The following FAM117B variants were observed in gnomAD, a reference collection of about 807,000 sequenced individuals.
FAM117B encodes the protein protein FAM117B.
In FAM117B, 22 loss-of-function variants were observed where a neutral mutation model predicts 52.8. The observed-to-expected ratio is 0.42, with a 90% CI of 0.30 to 0.59. The LOEUF is 0.59. Among genes scored for constraint, FAM117B ranks in the 20% least tolerant of loss-of-function variants. FAM117B has a pLI of 0.22. For missense variants in FAM117B, 678 were observed against 802.6 expected (o/e 0.84, Z 1.88); for synonymous variants, 309 against 324.1 (o/e 0.95, Z 0.50).
At chr2:202,674,387 C>T (rs1232451519) in intron 1 of FAM117B, among the ~76,000 whole-genome samples, 1 of 152,154 alleles carries the variant, frequency 6.6e-6, no homozygotes. Context: ...ACCCTGTTAC[C>T]AGAACAATTA....
chr2:202,659,412 C>T (rs532188120), intron 1 of FAM117B, among the ~76,000 whole-genome samples: 1 of 152,000 alleles, frequency 6.6e-6, no homozygotes, highest in Admixed American at 6.6e-5. Context: ...TGGGCTCAGG[C>T]GATCCTCCTA....
At chr2:202,660,093 T>C (rs1019280213) in intron 1 of FAM117B, among the ~76,000 whole-genome samples, 1 of 152,144 alleles carries the variant, frequency 6.6e-6, no homozygotes, top group African/African-American at 2.4e-5. Context: ...TAGTTCTTTT[T>C]TATAGTTTCA....
intron 1 of FAM117B, among the ~76,000 whole-genome samples, chr2:202,643,999 C>T (rs1196863909): frequency 2.7e-5 from 4 of 150,404 alleles, no homozygotes; most frequent in Non-Finnish European, 5.9e-5. Context: ...CGTGAGCCAC[C>T]GTGCCTGGCC....
chr2:202,646,161 C>T (rs529935097), intron 1 of FAM117B, among the ~76,000 whole-genome samples: 1 of 151,460 alleles, frequency 6.6e-6, no homozygotes. Context: ...TGAGTAGCTG[C>T]GACTACAGGG....
intron 4 of FAM117B, among the ~76,000 whole-genome samples, chr2:202,744,902 G>A (rs563814964): frequency 5.5e-5 from 8 of 146,610 alleles, no homozygotes; most frequent in East Asian, 2.0e-4. Context: ...ACTTGAACCC[G>A]GGAGGCAGAG....
intron 2 of FAM117B, among the ~76,000 whole-genome samples, chr2:202,714,530 T>C (rs915261004): frequency 7.1e-6 from 1 of 139,920 alleles, no homozygotes; most frequent in African/African-American, 2.7e-5. Context: ...ATCTTTTTTT[T>C]TTCTTTTTTT....
At chr2:202,722,226 G>A (rs182860325) in intron 2 of FAM117B, among the ~76,000 whole-genome samples, 15 of 151,938 alleles carry the variant, frequency 9.9e-5, no homozygotes, top group African/African-American at 3.4e-4. Context: ...TGGCCAGGCT[G>A]GTCTCAAACT....
Position 202,644,891 on chromosome 2 carries a change from G to A in FAM117B, c.601+9103G>A, listed in dbSNP as rs904251173. Among the ~76,000 whole-genome samples the A allele has an allele frequency of 7.2e-5, 11 of 152,098 alleles. No homozygotes were observed. The East Asian group carries it at 1.9e-3, about 27-fold the overall frequency. On this transcript the variant is annotated intron_variant, in intron 1 of 7. Coordinates refer to ENST00000392238, the MANE Select transcript of FAM117B (RefSeq NM_173511.4). ...GAAATGAGGATTGCCTTGTTGTGAG[G>A]TGTTTCATTGTTTGTTTTCTGTTCA...
At chr2:202,688,087 T>A (rs1195899674) in intron 1 of FAM117B, among the ~76,000 whole-genome samples, 2 of 152,240 alleles carry the variant, frequency 1.3e-5, no homozygotes, top group African/African-American at 4.8e-5. Flanking sequence ...TAATTTTAAA[T>A]ATCTTTAATA....
At chr2:202,759,499 T>G in intron 7 of FAM117B, 146 bp downstream of exon 7, 1 of 1,047,816 alleles carries the variant, frequency 9.5e-7, no homozygotes, top group Non-Finnish European at 1.3e-6. Context: ...TCAAGTTATC[T>G]TCCCACCTCA....
At chr2:202,707,039 G>T (rs370613261) in intron 2 of FAM117B, among the ~76,000 whole-genome samples, 29 of 151,940 alleles carry the variant, frequency 1.9e-4, no homozygotes, top group Non-Finnish European at 2.1e-4. Flanking sequence ...ATTGTTTTTT[G>T]TTGTTGTTGT....
intron 1 of FAM117B, among the ~76,000 whole-genome samples, chr2:202,648,561 ATG>A (rs138572013): frequency 2.2e-5 from 3 of 135,208 alleles, no homozygotes; most frequent in Non-Finnish European, 1.6e-5. Flanking sequence ...ATATGTATGT[ATG>A]TGTGTGTGTG....
At chr2:202,649,628 T>G (rs1361736467) in intron 1 of FAM117B, among the ~76,000 whole-genome samples, 3 of 152,132 alleles carry the variant, frequency 2.0e-5, no homozygotes, top group Non-Finnish European at 2.9e-5. Flanking sequence ...CTCGGCACAT[T>G]GCAACCTGTG....
At chr2:202,652,121 C>T (rs991974057) in intron 1 of FAM117B, among the ~76,000 whole-genome samples, 7 of 148,890 alleles carry the variant, frequency 4.7e-5, no homozygotes, top group African/African-American at 1.7e-4. Context: ...TTTTTAAAGA[C>T]AAGGTCTTGC....
intron 1 of FAM117B, among the ~76,000 whole-genome samples, chr2:202,650,185 A>G (rs1689936373): frequency 6.6e-6 from 1 of 152,192 alleles, no homozygotes; most frequent in Non-Finnish European, 1.5e-5. Context: ...GGGTGGTTCT[A>G]GTTAGTGTGA....
At chr2:202,687,489 G>T (rs192438740) in intron 1 of FAM117B, among the ~76,000 whole-genome samples, 1 of 152,254 alleles carries the variant, frequency 6.6e-6, no homozygotes, top group Admixed American at 6.5e-5. Context: ...AGCTCACTCC[G>T]ACCTTGACCT....
chr2:202,667,083 C>G (rs1308336116), intron 1 of FAM117B, among the ~76,000 whole-genome samples: 2 of 152,002 alleles, frequency 1.3e-5, no homozygotes, highest in Admixed American at 6.6e-5. Context: ...CTCCAGGCCT[C>G]TATTTGAGTT....
intron 1 of FAM117B, among the ~76,000 whole-genome samples, chr2:202,678,436 A>T (rs539435641): frequency 6.6e-6 from 1 of 152,318 alleles, no homozygotes; most frequent in South Asian, 2.1e-4. Flanking sequence ...CTAGCCTCTT[A>T]ATATGCAAAT....
intron 4 of FAM117B, among the ~76,000 whole-genome samples, chr2:202,745,202 C>G (rs1691612625): frequency 6.6e-6 from 1 of 151,732 alleles, no homozygotes; most frequent in South Asian, 2.1e-4. Flanking sequence ...ATCTCTTGAA[C>G]CCAGGAGGCA....
Sources: allele counts gnomAD v4.1 joint callset (sites outside exome capture counted in the v4.1 genomes callset), GRCh38; gene constraint gnomAD v4.1.1; transcripts MANE v1.5; gene names NCBI Gene and HGNC (gene_info 2026-07-23, HGNC 2026-07-21).